PSORS1C2: variants seen among roughly 807,000 people sequenced by gnomAD.
The protein encoded by PSORS1C2 is psoriasis susceptibility 1 candidate gene 2 protein.
A neutral mutation model predicts 12.2 loss-of-function variants in PSORS1C2; 13 were observed. The ratio of observed to expected loss-of-function variants is 1.07; its 90% confidence interval spans 0.70 to 1.70. The LOEUF is 1.70. PSORS1C2 is among the 40% of genes most tolerant of loss of function. The pLI, the probability that PSORS1C2 is intolerant of heterozygous loss-of-function variation, is 0.00. For missense variants in PSORS1C2, 186 were observed against 173.4 expected (o/e 1.07, Z -0.41); for synonymous variants, 76 against 69.2 (o/e 1.10, Z -0.49).
chr6:31,138,804 A>C (rs1369140108), intron 1 of PSORS1C2, 168 bp downstream of exon 1: 1 of 1,614,022 alleles, frequency 6.2e-7, no homozygotes, highest in East Asian at 2.2e-5. Context: ...CACCTTCTGC[A>C]CCATGTCCCC....
At position 31,137,701 on chromosome 6, in the gene PSORS1C2, G is replaced by A. The variant is rs547223623; in HGVS notation, c.*250C>T. 3 of 386,128 alleles carry A rather than the reference G, an allele frequency of 7.8e-6. No individual in the cohort carries two copies. In the East Asian group the frequency reaches 1.1e-4, roughly 14 times the overall value. 23.9% of individuals were successfully genotyped at this position (386,128 alleles called of 1,614,324 possible). A position where few individuals can be genotyped will look rare whatever the true frequency, so the allele number is the denominator to read the frequency against. On this transcript the variant is annotated 3_prime_UTR_variant, in exon 2 of 2. Coordinates refer to ENST00000259845, the MANE Select transcript of PSORS1C2 (RefSeq NM_014069.3). ...TGGGAGGTAGGTGCGGCCGAGGCCT[G>A]GAGGCGAGGTAGGAGAGTAGGCTTA...
chr6:31,138,861 T>A, intron 1 of PSORS1C2, 111 bp downstream of exon 1: 1 of 1,604,370 alleles, frequency 6.2e-7, no homozygotes, highest in Non-Finnish European at 8.5e-7. Flanking sequence ...AGATGCACCT[T>A]CTGCGTCCCC....
chr6:31,138,813 C>G (rs1381212368), intron 1 of PSORS1C2, 159 bp downstream of exon 1: 1 of 1,613,790 alleles, frequency 6.2e-7, no homozygotes, highest in Non-Finnish European at 8.5e-7. Flanking sequence ...CACCATGTCC[C>G]CCACCCAATG....
At position 31,138,410 on chromosome 6, in the gene PSORS1C2, CTG is replaced by C. The variant is rs781730410; in HGVS notation, c.56-106_56-105del. The C allele has an allele frequency of 3.1e-6, 5 of 1,612,506 alleles. No homozygotes were observed. In the South Asian group the frequency reaches 5.5e-5, roughly 18 times the overall value. On this transcript the variant is annotated intron_variant, in intron 1 of 1. Coordinates refer to ENST00000259845, the MANE Select transcript of PSORS1C2 (RefSeq NM_014069.3). Reference sequence around the variant, plus strand: ...AGGAGCCTGTCTGGATGGACGCAGCCTGAACTGACCCACAAACAGACCAAAAA... The same window carrying C: ...AGGAGCCTGTCTGGATGGACGCAGCCAACTGACCCACAAACAGACCAAAAA...
Position 31,137,906 on chromosome 6 carries a change from G to T in PSORS1C2, c.*45C>A. ...GGGAATCAGAGGGTGGAGAGGGCGTGGGTGCCTGGAGATGCCTGGGAACAG... is the reference window on the plus strand; with the variant it reads ...GGGAATCAGAGGGTGGAGAGGGCGTTGGTGCCTGGAGATGCCTGGGAACAG... On this transcript the variant is annotated 3_prime_UTR_variant, in exon 2 of 2. Transcript: ENST00000259845. The T allele has an allele frequency of 1.1e-6, 1 of 939,980 alleles. No individual in the cohort carries two copies. The highest frequency in any genetic ancestry group is 1.5e-6 in the Non-Finnish European group (1 of 652,830). The allele number at this position is 939,980 out of a possible 1,614,324, so 58.2% of individuals were successfully genotyped here. A position where few individuals can be genotyped will look rare whatever the true frequency, so the allele number is the denominator to read the frequency against.
chr6:31,138,778 T>C, intron 1 of PSORS1C2, 194 bp downstream of exon 1: 2 of 1,614,172 alleles, frequency 1.2e-6, no homozygotes, highest in Non-Finnish European at 8.5e-7. Context: ...AAACCATTTC[T>C]GGTGAGAGCC....
At chr6:31,138,905 C>A (rs1362141149) in intron 1 of PSORS1C2, 67 bp downstream of exon 1, 10 of 1,599,744 alleles carry the variant, frequency 6.3e-6, no homozygotes, top group Middle Eastern at 1.7e-4. Flanking sequence ...GCGTCCAGTT[C>A]ACCTCCGCCA....
Position 31,138,050 on chromosome 6 carries a change from T to A in PSORS1C2, c.312A>T (p.Gly104=). 1 of 1,535,298 alleles carries A rather than the reference T, an allele frequency of 6.5e-7. No individual in the cohort carries two copies. The highest frequency in any genetic ancestry group is 2.3e-5 in the East Asian group (1 of 44,052). ...GCCAGGGGTTTTCTGGGGGCTGGGG[T>A]CCTGCCGGCCAAGGGTCGTCAGGCC... ...PPRPDDPWPA[G]PQPPENPWPP... Residue 104 remains glycine (G), a synonymous_variant, in exon 2 of 2, where the codon GGA becomes GGT. Coordinates refer to ENST00000259845, the MANE Select transcript of PSORS1C2 (RefSeq NM_014069.3).
At chr6:31,138,451 G>A (rs1390531875) in intron 1 of PSORS1C2, 145 bp from the exon 2 acceptor site, 2 of 1,609,504 alleles carry the variant, frequency 1.2e-6, no homozygotes, top group Non-Finnish European at 8.5e-7. Flanking sequence ...CACTCTCAAA[G>A]AGCTCTCGGT....
intron 1 of PSORS1C2, chr6:31,138,578 AC>A (rs1773281516): frequency 1.9e-6 from 3 of 1,609,306 alleles, no homozygotes; most frequent in Admixed American, 1.7e-5. Context: ...AGCTCCATCC[AC>A]CCCTGGTTGG....
intron 1 of PSORS1C2, 62 bp downstream of exon 1, chr6:31,138,895 GCGTCCAGTTCACCTC>G: frequency 6.3e-7 from 1 of 1,599,348 alleles, no homozygotes; most frequent in Non-Finnish European, 8.6e-7. Context: ...CCAACCCCAT[GCGTCCAGTTCACCTC>G]CGCCATCTTG....
chr6:31,138,939 A>C lies in PSORS1C2; in HGVS notation c.55+33T>G. On this transcript the variant is annotated intron_variant, in intron 1 of 1. Coordinates refer to ENST00000259845, the MANE Select transcript of PSORS1C2 (RefSeq NM_014069.3). Reference sequence around the variant, plus strand: ...CATCTTGAGTATCCCTCATCACCCCAAACTGCAGTCCCTGCCTCTGTTCCC... The same window carrying C: ...CATCTTGAGTATCCCTCATCACCCCCAACTGCAGTCCCTGCCTCTGTTCCC... 1.9e-6 allele frequency: 3 copies of C among 1,611,984 alleles called. No homozygotes were observed. In the South Asian group the frequency reaches 3.3e-5, roughly 18 times the overall value.
At position 31,138,147 on chromosome 6, in the gene PSORS1C2, G is replaced by A; in HGVS notation, c.215C>T (p.Pro72Leu). The A allele has an allele frequency of 6.2e-7, 1 of 1,604,692 alleles. No individual in the cohort carries two copies. The highest frequency in any genetic ancestry group is 2.2e-5 in the East Asian group (1 of 44,840). ...TCCAGTTTCAGGCAGGTCTCTCCAG[G>A]GACGACTGGGGCGGGTAGGCGGAGG... ...EDPPPTRPSR[P>L]WRDLPETGVW... The change falls in exon 2 of 2, where the codon CCC becomes CTC. Residue 72 changes from proline to leucine, a missense_variant. Physicochemically the swap from Pro to Leu is moderately conservative, Grantham distance 98. Coordinates refer to ENST00000259845, the MANE Select transcript of PSORS1C2 (RefSeq NM_014069.3).
At chr6:31,138,852 G>A (rs1773305081) in intron 1 of PSORS1C2, 120 bp downstream of exon 1, 3 of 1,608,240 alleles carry the variant, frequency 1.9e-6, no homozygotes, top group African/African-American at 1.3e-5. Context: ...TGGTGAGCCA[G>A]ATGCACCTTC....
Position 31,137,560 on chromosome 6 carries a change from C to CG in PSORS1C2, c.*390dup, listed in dbSNP as rs878989074. The CG allele has an allele frequency of 1.2e-5, 3 of 241,966 alleles. No individual in the cohort carries two copies. Among genetic ancestry groups the CG allele is most frequent in the South Asian group, 3.6e-4 (2 of 5,584 alleles). 15.0% of individuals were successfully genotyped at this position (241,966 alleles called of 1,614,324 possible). A position where few individuals can be genotyped will look rare whatever the true frequency, so the allele number is the denominator to read the frequency against. On this transcript the variant is annotated 3_prime_UTR_variant, in exon 2 of 2. Coordinates refer to ENST00000259845, the MANE Select transcript of PSORS1C2 (RefSeq NM_014069.3). The stretch of plus-strand genomic sequence containing the variant: ...TAAGAAAACATGATTTTTATTTTTC[C>CG]GTTTCATGGAAGCAGCAGCTGTCTA...
At position 31,137,757 on chromosome 6, in the gene PSORS1C2, G is replaced by A. The variant is rs1773218217; in HGVS notation, c.*194C>T. 2 of 407,034 alleles carry A rather than the reference G, an allele frequency of 4.9e-6. No individual in the cohort carries two copies. The highest frequency in any genetic ancestry group is 8.7e-6 in the Non-Finnish European group (2 of 230,614). 25.2% of individuals were successfully genotyped at this position (407,034 alleles called of 1,614,324 possible). A position where few individuals can be genotyped will look rare whatever the true frequency, so the allele number is the denominator to read the frequency against. On this transcript the variant is annotated 3_prime_UTR_variant, in exon 2 of 2. Coordinates refer to ENST00000259845, the MANE Select transcript of PSORS1C2 (RefSeq NM_014069.3). Reference sequence around the variant, plus strand: ...TCAGAGGAAAAAACGGGCGATGTGAGGACTAAGTATGGATCTCAGGAGGGG... The same window carrying A: ...TCAGAGGAAAAAACGGGCGATGTGAAGACTAAGTATGGATCTCAGGAGGGG...
intron 1 of PSORS1C2, chr6:31,138,652 C>A: frequency 1.2e-6 from 2 of 1,613,236 alleles, no homozygotes; most frequent in Non-Finnish European, 1.7e-6. Context: ...ACCTTGGCCC[C>A]CAGGCACACA....
intron 1 of PSORS1C2, chr6:31,138,724 C>T (rs1393132346): frequency 8.3e-7 from 1 of 1,202,534 alleles, no homozygotes; most frequent in Non-Finnish European, 1.1e-6. Context: ...GGAAACTCGT[C>T]CCCCCCACGT....
At position 31,138,992 on chromosome 6, in the gene PSORS1C2, AC is replaced by A. The variant is rs746286863; in HGVS notation, c.34del (p.Val12SerfsTer117). 3 of 1,613,836 alleles carry A rather than the reference AC, an allele frequency of 1.9e-6. No individual in the cohort carries two copies. The highest frequency in any genetic ancestry group is 2.7e-5 in the African/African-American group (2 of 74,850). On this transcript the variant is annotated frameshift_variant, in exon 1 of 2. Coordinates refer to ENST00000259845, the MANE Select transcript of PSORS1C2 (RefSeq NM_014069.3). LOFTEE classifies it high-confidence loss of function. ...ILNWKLLGIL[V>X]LCLHTRGISG... ...CTCACCTCTGGTGTGCAGGCAAAGGACCAGGATCCCCAGGAGCTTCCAGTTG... is the reference window on the plus strand; with the variant it reads ...CTCACCTCTGGTGTGCAGGCAAAGGACAGGATCCCCAGGAGCTTCCAGTTG...
Sources: gnomAD v4.1 joint callset for allele counts on GRCh38, gnomAD v4.1.1 for gene constraint, MANE v1.5 for transcripts, NCBI Gene and HGNC (gene_info 2026-07-23, HGNC 2026-07-21) for gene names.